The following FRMD4A variants were observed in gnomAD, a reference collection of about 807,000 sequenced individuals.
FRMD4A encodes the protein FERM domain containing 4A.
FRMD4A carries 29 observed loss-of-function variants against 129.1 expected under a neutral mutation model. The ratio of observed to expected loss-of-function variants is 0.22; its 90% CI spans 0.17 to 0.31. The LOEUF (loss-of-function observed/expected upper bound fraction) is 0.31. Among genes scored for constraint, FRMD4A ranks in the 10% least tolerant of loss-of-function variants. The pLI, the probability that FRMD4A is intolerant of heterozygous loss-of-function variation, is 1.00. For synonymous variants in FRMD4A, 634 were observed against 571.6 expected (o/e 1.11, Z -1.56); for missense variants, 1,272 against 1,375.8 (o/e 0.92, Z 1.19).
chr10:13,945,749 C>T (rs976719791), intron 2 of FRMD4A, among the ~76,000 whole-genome samples: 3 of 152,250 alleles, frequency 2.0e-5, no homozygotes, highest in Non-Finnish European at 2.9e-5. Context: ...AGGGTCACCC[C>T]AGGAAATCTT....
At chr10:13,722,410 A>T (rs1303879927) in intron 12 of FRMD4A, among the ~76,000 whole-genome samples, 2 of 151,022 alleles carry the variant, frequency 1.3e-5, no homozygotes, top group East Asian at 1.9e-4. Flanking sequence ...TAAAAAAAAA[A>T]ATTTTTTTTT....
intron 12 of FRMD4A, among the ~76,000 whole-genome samples, chr10:13,737,492 A>G (rs1588493277): frequency 6.6e-6 from 1 of 152,158 alleles, no homozygotes; most frequent in African/African-American, 2.4e-5. Context: ...TCAGGATTCA[A>G]GAGAAATGTT....
intron 2 of FRMD4A, among the ~76,000 whole-genome samples, chr10:13,942,578 A>G (rs191036992): frequency 2.1e-4 from 32 of 152,324 alleles, no homozygotes; most frequent in Admixed American, 2.0e-3. Flanking sequence ...ATCATTTTAA[A>G]AGGATCTGTG....
At chr10:14,025,666 A>T (rs1045893132) in intron 2 of FRMD4A, among the ~76,000 whole-genome samples, 3 of 152,198 alleles carry the variant, frequency 2.0e-5, no homozygotes, top group African/African-American at 7.2e-5. Context: ...AAACACTGTG[A>T]CCATTAAACA....
chr10:13,735,332 T>C (rs1451669355), intron 12 of FRMD4A, among the ~76,000 whole-genome samples: 1 of 152,238 alleles, frequency 6.6e-6, no homozygotes, highest in Non-Finnish European at 1.5e-5. Context: ...TTAGAGACAA[T>C]GGCCTGGAAA....
intron 9 of FRMD4A, among the ~76,000 whole-genome samples, chr10:13,742,372 G>A (rs889127357): frequency 6.6e-6 from 1 of 152,108 alleles, no homozygotes; most frequent in African/African-American, 2.4e-5. Flanking sequence ...TCGACACCTC[G>A]GTCTCCCTGG....
chr10:13,685,588 A>G (rs2084995334), intron 15 of FRMD4A: 1 of 982,076 alleles, frequency 1.0e-6, no homozygotes, highest in Admixed American at 6.1e-5. Flanking sequence ...GCTCCCAGCA[A>G]AGGAGCACTG....
intron 2 of FRMD4A, among the ~76,000 whole-genome samples, chr10:14,200,302 A>AT (rs36091861): frequency 6.8e-6 from 1 of 147,004 alleles, no homozygotes; most frequent in East Asian, 2.0e-4. Context: ...ATAATTTCTT[A>AT]TTTTTTTGAG....
intron 2 of FRMD4A, among the ~76,000 whole-genome samples, chr10:13,998,425 A>G (rs4329578): frequency 0.31 from 46,512 of 152,120 alleles, 7,962 homozygotes; most frequent in East Asian, 0.73. Flanking sequence ...ACCCCTGATA[A>G]TGTCCACATC....
chr10:13,745,795 C>T (rs2091259139), intron 9 of FRMD4A, among the ~76,000 whole-genome samples: 2 of 152,202 alleles, frequency 1.3e-5, no homozygotes, highest in South Asian at 4.1e-4. Context: ...CTCTAGTTAC[C>T]TTCTCACATC....
intron 3 of FRMD4A, among the ~76,000 whole-genome samples, chr10:13,835,699 T>C (rs1246863741): frequency 6.6e-6 from 1 of 152,182 alleles, no homozygotes; most frequent in African/African-American, 2.4e-5. Context: ...GACAGTCTAG[T>C]TGCAAGAAAA....
chr10:13,963,172 C>G (rs548631437), intron 2 of FRMD4A, among the ~76,000 whole-genome samples: 10 of 151,970 alleles, frequency 6.6e-5, no homozygotes, highest in African/African-American at 1.9e-4. Context: ...CACCTACAGC[C>G]TTAATGAATG....
intron 2 of FRMD4A, among the ~76,000 whole-genome samples, chr10:14,169,021 A>G (rs932457264): frequency 3.3e-5 from 5 of 152,246 alleles, no homozygotes; most frequent in African/African-American, 1.2e-4. Context: ...TGAGGTCAGT[A>G]GTTTAATAAA....
At chr10:14,286,967 G>C (rs950541291) in intron 2 of FRMD4A, among the ~76,000 whole-genome samples, 3 of 152,042 alleles carry the variant, frequency 2.0e-5, no homozygotes, top group Admixed American at 2.0e-4. Flanking sequence ...TTAAATGATT[G>C]GAACAACACA....
intron 2 of FRMD4A, among the ~76,000 whole-genome samples, chr10:14,164,046 G>C (rs1841042816): frequency 6.6e-6 from 1 of 152,190 alleles, no homozygotes; most frequent in Non-Finnish European, 1.5e-5. Context: ...CATCCAGACA[G>C]CTCCCACAGA....
At chr10:13,767,430 G>A (rs886857305) in intron 6 of FRMD4A, among the ~76,000 whole-genome samples, 1 of 152,058 alleles carries the variant, frequency 6.6e-6, no homozygotes, top group Non-Finnish European at 1.5e-5. Context: ...GTGGAAGCAG[G>A]GTTTCACCAT....
intron 2 of FRMD4A, chr10:13,991,725 C>T (rs1309785886): frequency 6.6e-6 from 1 of 152,604 alleles, no homozygotes; most frequent in African/African-American, 2.4e-5. Flanking sequence ...TCTCAATGGG[C>T]TACGTTTCCA....
chr10:13,669,164 C>T (rs1195751636), intron 17 of FRMD4A, among the ~76,000 whole-genome samples: 2 of 148,872 alleles, frequency 1.3e-5, no homozygotes, highest in South Asian at 4.3e-4. Flanking sequence ...CGGGTTCAAG[C>T]GATTCTCACC....
intron 2 of FRMD4A, among the ~76,000 whole-genome samples, chr10:13,864,610 C>G (rs1460992127): frequency 2.0e-5 from 3 of 147,126 alleles, no homozygotes; most frequent in Admixed American, 1.4e-4. Flanking sequence ...GTGTCTCCCT[C>G]TGTCACTCAG....
Sources: gnomAD v4.1 joint callset for allele counts (sites outside exome capture counted in the v4.1 genomes callset) on GRCh38, gnomAD v4.1.1 for gene constraint, MANE v1.5 for transcripts, NCBI Gene and HGNC (gene_info 2026-07-23, HGNC 2026-07-21) for gene names.